The following CLYBL variants were observed in gnomAD, a reference collection of about 807,000 sequenced individuals.
CLYBL encodes the protein citramalyl-CoA lyase.
A neutral mutation model predicts 38.9 loss-of-function variants in CLYBL; 31 were observed. The observed-to-expected ratio is 0.80, with a 90% CI of 0.60 to 1.08. The LOEUF is 1.08. CLYBL is among the 50% of genes least tolerant of loss of function. The pLI, the probability that CLYBL is intolerant of heterozygous loss-of-function variation, is 0.00. For missense variants in CLYBL, 434 were observed against 411.6 expected, an observed-to-expected ratio of 1.05 and a Z score of -0.47; for synonymous variants, 171 against 158.6, an observed-to-expected ratio of 1.08 and a Z score of -0.59.
chr13:99,873,969 AC>A (rs35802185), intron 7 of CLYBL, among the ~76,000 whole-genome samples: 8,491 of 152,270 alleles, frequency 0.056, 301 homozygotes, highest in Admixed American at 0.095. Flanking sequence ...AAAACAAATA[AC>A]AATCAGCTCA....
At chr13:99,888,688 G>A (rs2052414106) in intron 7 of CLYBL, among the ~76,000 whole-genome samples, 1 of 152,160 alleles carries the variant, frequency 6.6e-6, no homozygotes, top group African/African-American at 2.4e-5. Flanking sequence ...GGCGGAGGTT[G>A]CAGTGAGCCG....
intron 1 of CLYBL, among the ~76,000 whole-genome samples, chr13:99,682,540 C>G (rs1227210459): frequency 2.0e-5 from 3 of 152,088 alleles, no homozygotes; most frequent in Admixed American, 6.6e-5. Flanking sequence ...ACAGAAGGCT[C>G]TTACCATGAA....
chr13:99,763,532 G>A (rs2049204177), intron 1 of CLYBL, among the ~76,000 whole-genome samples: 1 of 148,628 alleles, frequency 6.7e-6, no homozygotes, highest in Admixed American at 6.8e-5. Context: ...TGATCATGGT[G>A]CATGATCTTT....
intron 1 of CLYBL, among the ~76,000 whole-genome samples, chr13:99,609,486 A>T (rs985219813): frequency 6.6e-6 from 1 of 151,540 alleles, no homozygotes; most frequent in African/African-American, 2.4e-5. Context: ...ACCTGTTTTT[A>T]GGTTTGCTGA....
chr13:99,752,934 C>A (rs2030605326), intron 1 of CLYBL, among the ~76,000 whole-genome samples: 1 of 151,968 alleles, frequency 6.6e-6, no homozygotes, highest in Admixed American at 6.6e-5. Context: ...GTAAACAAAG[C>A]CAATAATTCA....
At chr13:99,636,876 G>A (rs186499378) in intron 1 of CLYBL, among the ~76,000 whole-genome samples, 1 of 152,006 alleles carries the variant, frequency 6.6e-6, no homozygotes, top group Non-Finnish European at 1.5e-5. Flanking sequence ...GTGTGGTTGC[G>A]GTCTAATTTA....
Position 99,858,901 on chromosome 13 carries a change from T to C in CLYBL, c.290T>C (p.Ile97Thr). The change falls in exon 3 of 9, where the codon ATT becomes ACT. Residue 97 changes from isoleucine (I) to threonine (T), a missense_variant. Ile to Thr is a moderately conservative substitution (Grantham distance 89, BLOSUM62 -1). Transcript: ENST00000339105. ...RLRIVKTLED[I>T]DLGPTEKCVR... ...AGAATTGTAAAAACTCTTGAAGACATTGATCTGGGCCCTACTGAAAAATGT... is the reference window on the plus strand; with the variant it reads ...AGAATTGTAAAAACTCTTGAAGACACTGATCTGGGCCCTACTGAAAAATGT... The C allele has an allele frequency of 1.2e-6, 2 of 1,612,356 alleles. No individual in the cohort carries two copies. The highest frequency in any genetic ancestry group is 1.7e-6 in the Non-Finnish European group (2 of 1,179,512).
chr13:99,735,252 G>A (rs1250015570), intron 1 of CLYBL, among the ~76,000 whole-genome samples: 1 of 152,150 alleles, frequency 6.6e-6, no homozygotes, highest in African/African-American at 2.4e-5. Flanking sequence ...GAAGTGCAGT[G>A]GTGTGATCAT....
intron 2 of CLYBL, among the ~76,000 whole-genome samples, chr13:99,800,582 A>C (rs1434782289): frequency 6.6e-6 from 1 of 152,196 alleles, no homozygotes; most frequent in African/African-American, 2.4e-5. Context: ...GGCTTAAGAC[A>C]TAATTGTTTG....
At chr13:99,704,525 C>G (rs141416107) in intron 1 of CLYBL, among the ~76,000 whole-genome samples, 172 of 152,224 alleles carry the variant, frequency 1.1e-3, no homozygotes, top group African/African-American at 3.9e-3. Context: ...CAATTTATAA[C>G]TTGTCTAACA....
chr13:99,811,671 TC>T (rs2050345301), intron 2 of CLYBL, among the ~76,000 whole-genome samples: 1 of 152,072 alleles, frequency 6.6e-6, no homozygotes, highest in Admixed American at 6.5e-5. Flanking sequence ...CCACTGCCAG[TC>T]CCCACACGAC....
At chr13:99,722,577 G>GTGAA (rs996639937) in intron 1 of CLYBL, among the ~76,000 whole-genome samples, 2 of 152,296 alleles carry the variant, frequency 1.3e-5, no homozygotes, top group South Asian at 4.1e-4. Context: ...GAATGAATGA[G>GTGAA]TGAATGAATG....
At chr13:99,866,134 T>C in intron 5 of CLYBL, 106 bp from the exon 6 acceptor site, 2 of 1,141,702 alleles carry the variant, frequency 1.8e-6, no homozygotes, top group Non-Finnish European at 2.5e-6. Context: ...GAGGAGCAAT[T>C]TCCAGGGAGG....
intron 1 of CLYBL, among the ~76,000 whole-genome samples, chr13:99,771,192 T>C (rs1188028890): frequency 6.6e-6 from 1 of 152,100 alleles, no homozygotes; most frequent in Non-Finnish European, 1.5e-5. Context: ...ATATGCACTA[T>C]GCCTGGCTAA....
At chr13:99,693,073 G>T (rs1281206222) in intron 1 of CLYBL, among the ~76,000 whole-genome samples, 3 of 152,054 alleles carry the variant, frequency 2.0e-5, no homozygotes, top group African/African-American at 7.3e-5. Flanking sequence ...ATTTTTGTTG[G>T]GTATATAGCT....
chr13:99,673,913 AT>A (rs2047604156), intron 1 of CLYBL, among the ~76,000 whole-genome samples: 1 of 152,040 alleles, frequency 6.6e-6, no homozygotes, highest in Admixed American at 6.6e-5. Flanking sequence ...AATCAATGAG[AT>A]TTCCTGGTGG....
At chr13:99,618,519 C>T (rs570248501) in intron 1 of CLYBL, among the ~76,000 whole-genome samples, 67 of 152,336 alleles carry the variant, frequency 4.4e-4, no homozygotes, top group African/African-American at 1.5e-3. Flanking sequence ...ATCTACCCGC[C>T]TCGGCCTCCC....
At chr13:99,856,030 A>G (rs1467933034) in intron 2 of CLYBL, among the ~76,000 whole-genome samples, 1 of 152,214 alleles carries the variant, frequency 6.6e-6, no homozygotes, top group African/African-American at 2.4e-5. Context: ...TTAAATGCTG[A>G]GTATTCACTG....
chr13:99,907,935 C>T (rs2052713097), intron 9 of CLYBL, among the ~76,000 whole-genome samples: 1 of 152,234 alleles, frequency 6.6e-6, no homozygotes, highest in African/African-American at 2.4e-5. Flanking sequence ...AGGGACTCCT[C>T]CTGACTGCAC....
Sources: allele counts gnomAD v4.1 joint callset (sites outside exome capture counted in the v4.1 genomes callset), GRCh38; gene constraint gnomAD v4.1.1; transcripts MANE v1.5; gene names NCBI Gene and HGNC (gene_info 2026-07-23, HGNC 2026-07-21).